The following CALN1 variants were observed in gnomAD, a reference collection of about 807,000 sequenced individuals.
CALN1 encodes the protein calneuron 1.
In CALN1, 17 loss-of-function variants were observed where a neutral mutation model predicts 30.6. That is an observed-to-expected ratio of 0.56 (90% CI 0.38 to 0.83). The LOEUF is 0.83. Among genes scored for constraint, CALN1 ranks in the 40% least tolerant of loss-of-function variants. The pLI, the probability that CALN1 is intolerant of heterozygous loss-of-function variation, is 0.00. For synonymous variants in CALN1, 156 were observed against 131.4 expected, an observed-to-expected ratio of 1.19 and a Z score of -1.28; for missense variants, 291 against 354.9, an observed-to-expected ratio of 0.82 and a Z score of 1.45.
chr7:72,315,867 C>T (rs1487179175), intron 2 of CALN1, among the ~76,000 whole-genome samples: 6 of 151,976 alleles, frequency 3.9e-5, no homozygotes, highest in South Asian at 2.1e-4. Context: ...AGAATTTCTC[C>T]GGCCGGGCGC....
rs764276435 is a variant in CALN1 at position 72,247,227 on chromosome 7, CTTTTTTTTTTTTTT to C, written c.244+31445_244+31458del. Reference sequence around the variant, plus strand: ...GGGTTTTCAACAGACCATTTTCTTTCTTTTTTTTTTTTTTTTTTTTTTTTTTTTTTTTTTTTTTT... The same window carrying C: ...GGGTTTTCAACAGACCATTTTCTTTCTTTTTTTTTTTTTTTTTTTTTTTTT... On this transcript the variant is annotated intron_variant, in intron 3 of 6. Coordinates refer to ENST00000395275, the MANE Select transcript of CALN1 (RefSeq NM_031468.4). 3.3e-4 allele frequency among the ~76,000 whole-genome samples: 26 copies of C among 77,708 alleles called. 1 individual carries two copies. Among genetic ancestry groups the C allele is most frequent in the African/African-American group, 6.1e-4 (11 of 18,176 alleles). The allele number at this position is 77,708 out of a possible 152,430, so 51.0% of individuals were successfully genotyped here.
At chr7:72,258,309 T>C (rs1213072088) in intron 3 of CALN1, among the ~76,000 whole-genome samples, 1 of 152,264 alleles carries the variant, frequency 6.6e-6, no homozygotes, top group East Asian at 1.9e-4. Flanking sequence ...TATGGTTCCA[T>C]TTAGCAGAGG....
At chr7:72,477,883 C>T in the CALN1 span, among the ~76,000 whole-genome samples, 47 of 152,256 alleles carry the variant, frequency 3.1e-4, 1 homozygote, top group African/African-American at 1.0e-3. Flanking sequence ...CAGGAATACT[C>T]GCCTTTATTC....
chr7:71,956,415 C>T (rs371657220), intron 5 of CALN1, among the ~76,000 whole-genome samples: 7 of 151,830 alleles, frequency 4.6e-5, no homozygotes, highest in East Asian at 1.9e-4. Context: ...TAAGAGTGCC[C>T]GGAAATTTTA....
chr7:72,016,998 CAAAA>C (rs754201004), intron 5 of CALN1, among the ~76,000 whole-genome samples: 696 of 31,974 alleles, frequency 0.022, 37 homozygotes, highest in African/African-American at 0.1. Context: ...ACTAAAAATA[CAAAA>C]AAAAAAAAAA....
chr7:72,403,987 T>A (rs932562959), intron 1 of CALN1, among the ~76,000 whole-genome samples: 8 of 152,180 alleles, frequency 5.3e-5, no homozygotes, highest in Admixed American at 4.6e-4. Flanking sequence ...CAAGATGGCA[T>A]CCCATTACCA....
chr7:72,284,198 G>C (rs1055614995), intron 2 of CALN1, among the ~76,000 whole-genome samples: 1 of 152,136 alleles, frequency 6.6e-6, no homozygotes, highest in African/African-American at 2.4e-5. Flanking sequence ...AGGAGGCTGA[G>C]GTAGGAAGAT....
At position 72,421,055 on chromosome 7, in the gene CALN1, C is replaced by T. The variant is rs117022962; in HGVS notation, c.-225-8780G>A. On this transcript the variant is annotated intron_variant, in intron 1 of 6. Coordinates refer to the CALN1 transcript ENST00000395276. ...CAGGTTCTTACTGCACTTTCCTTTG[C>T]GTCCAGTGCGTTTTTAGAGTGAGCA... Among the ~76,000 whole-genome samples the T allele has an allele frequency of 6.6e-5, 10 of 152,248 alleles. No individual in the cohort carries two copies. In the East Asian group the frequency reaches 7.7e-4, roughly 12 times the overall value.
intron 5 of CALN1, among the ~76,000 whole-genome samples, chr7:71,930,006 G>A (rs777280103): frequency 1.8e-4 from 27 of 152,076 alleles, no homozygotes; most frequent in Non-Finnish European, 3.8e-4. Context: ...TATAACCTAC[G>A]CACATGTTCC....
chr7:72,338,697 C>T (rs933377657), intron 2 of CALN1, among the ~76,000 whole-genome samples: 1 of 151,772 alleles, frequency 6.6e-6, no homozygotes, highest in Non-Finnish European at 1.5e-5. Flanking sequence ...GGTAGGTGTA[C>T]ATATTTATGG....
chr7:72,226,574 C>T (rs1793693146), intron 3 of CALN1, among the ~76,000 whole-genome samples: 1 of 152,198 alleles, frequency 6.6e-6, no homozygotes, highest in African/African-American at 2.4e-5. Flanking sequence ...TATCCCAGTG[C>T]TTTCAAGGGT....
intron 3 of CALN1, among the ~76,000 whole-genome samples, chr7:72,270,857 G>A (rs903627790): frequency 5.1e-4 from 78 of 152,166 alleles, no homozygotes; most frequent in African/African-American, 1.8e-3. Flanking sequence ...CAATGGTATC[G>A]AACTGAACTG....
At chr7:72,304,583 C>G (rs541577074) in intron 2 of CALN1, among the ~76,000 whole-genome samples, 103 of 152,288 alleles carry the variant, frequency 6.8e-4, no homozygotes, top group African/African-American at 2.3e-3. Context: ...ATGCTTGCCT[C>G]TGACATGGGG....
chr7:71,937,525 C>A (rs556521527), intron 5 of CALN1, among the ~76,000 whole-genome samples: 1 of 152,012 alleles, frequency 6.6e-6, no homozygotes, highest in Non-Finnish European at 1.5e-5. Flanking sequence ...GTGGACCAGA[C>A]GGGAGTCCGG....
chr7:72,063,955 C>T (rs976778730), intron 4 of CALN1, among the ~76,000 whole-genome samples: 2 of 152,052 alleles, frequency 1.3e-5, no homozygotes, highest in African/African-American at 4.8e-5. Context: ...TGGACATATG[C>T]CTTCTTGTAA....
intron 5 of CALN1, among the ~76,000 whole-genome samples, chr7:71,997,125 C>G (rs754184246): frequency 6.6e-6 from 1 of 151,850 alleles, no homozygotes. Context: ...GCTACTCATG[C>G]GAGTGACTGA....
chr7:71,940,598 T>C (rs1796074807), intron 5 of CALN1, among the ~76,000 whole-genome samples: 1 of 152,176 alleles, frequency 6.6e-6, no homozygotes, highest in African/African-American at 2.4e-5. Context: ...TCTTCTTCTG[T>C]TTTTTGTTTG....
chr7:72,467,941 A>G, the CALN1 span, among the ~76,000 whole-genome samples: 1 of 152,170 alleles, frequency 6.6e-6, no homozygotes, highest in African/African-American at 2.4e-5. Context: ...ATTTACCTAT[A>G]TTCTGGATAT....
At chr7:72,117,761 C>T (rs1253542610) in intron 3 of CALN1, among the ~76,000 whole-genome samples, 1 of 151,960 alleles carries the variant, frequency 6.6e-6, no homozygotes, top group African/African-American at 2.4e-5. Flanking sequence ...AGTTTGAGAC[C>T]AGCCTGGCCA....
Sources: allele counts gnomAD v4.1 joint callset (sites outside exome capture counted in the v4.1 genomes callset), GRCh38; gene constraint gnomAD v4.1.1; transcripts MANE v1.5; gene names NCBI Gene and HGNC (gene_info 2026-07-23, HGNC 2026-07-21).